KCNH1: variants seen among roughly 807,000 people sequenced by gnomAD.
KCNH1 encodes the protein voltage-gated delayed rectifier potassium channel KCNH1.
A neutral mutation model predicts 69.2 loss-of-function variants in KCNH1; 27 were observed. The ratio of observed to expected loss-of-function variants is 0.39; its 90% CI spans 0.29 to 0.54. The LOEUF (loss-of-function observed/expected upper bound fraction) is 0.54, where lower values mean the gene tolerates loss of function less well. Among genes scored for constraint, KCNH1 ranks in the 20% least tolerant of loss-of-function variants. The pLI is 0.68. For synonymous variants in KCNH1, 456 were observed against 487.7 expected, an observed-to-expected ratio of 0.93 and a Z score of 0.86; for missense variants, 798 against 1,261.6, an observed-to-expected ratio of 0.63 and a Z score of 5.57.
chr1:210,801,187 A>G (rs909254889), intron 8 of KCNH1, among the ~76,000 whole-genome samples: 3 of 152,218 alleles, frequency 2.0e-5, no homozygotes, highest in African/African-American at 7.2e-5. Flanking sequence ...TCCATGAGCT[A>G]CAGACATAAA....
At chr1:210,886,875 C>T (rs1010196686) in intron 7 of KCNH1, among the ~76,000 whole-genome samples, 3 of 151,914 alleles carry the variant, frequency 2.0e-5, no homozygotes, top group African/African-American at 4.8e-5. Context: ...TGAACAAAGC[C>T]TATAAGAAAA....
chr1:210,802,469 A>T (rs1684449298), intron 8 of KCNH1, among the ~76,000 whole-genome samples: 1 of 152,220 alleles, frequency 6.6e-6, no homozygotes, highest in Admixed American at 6.5e-5. Flanking sequence ...GAGAAAAAAG[A>T]CTTGATAAAG....
intron 5 of KCNH1, among the ~76,000 whole-genome samples, chr1:211,082,375 A>G (rs549594240): frequency 6.6e-6 from 1 of 152,322 alleles, no homozygotes; most frequent in Admixed American, 6.5e-5. Context: ...GTAAAATGCC[A>G]TGTGGTTGTT....
intron 7 of KCNH1, among the ~76,000 whole-genome samples, chr1:210,892,160 T>C (rs561905147): frequency 6.6e-6 from 1 of 151,860 alleles, no homozygotes; most frequent in East Asian, 1.9e-4. Flanking sequence ...CGTGTATACC[T>C]AGGTAACAAA....
intron 7 of KCNH1, among the ~76,000 whole-genome samples, chr1:210,891,467 G>A (rs559686048): frequency 6.6e-6 from 1 of 151,476 alleles, no homozygotes; most frequent in South Asian, 2.1e-4. Context: ...TGCAGCACAC[G>A]AACATGGCAC....
At chr1:210,842,644 T>G (rs1313318011) in intron 7 of KCNH1, among the ~76,000 whole-genome samples, 1 of 152,134 alleles carries the variant, frequency 6.6e-6, no homozygotes, top group Non-Finnish European at 1.5e-5. Context: ...CAGCTGAGTT[T>G]TAAGGAAAGC....
chr1:210,715,697 G>A (rs1312799627), intron 10 of KCNH1, among the ~76,000 whole-genome samples: 1 of 152,130 alleles, frequency 6.6e-6, no homozygotes, highest in Non-Finnish European at 1.5e-5. Context: ...AGAAAGTGGG[G>A]CTAGAGGTTC....
intron 5 of KCNH1, among the ~76,000 whole-genome samples, chr1:211,053,172 C>T (rs1690236375): frequency 6.6e-6 from 1 of 152,218 alleles, no homozygotes; most frequent in South Asian, 2.1e-4. Flanking sequence ...TCAACTTCAG[C>T]ACTTTCTACC....
At chr1:210,691,066 G>A (rs1220773377) in intron 10 of KCNH1, among the ~76,000 whole-genome samples, 1 of 152,236 alleles carries the variant, frequency 6.6e-6, no homozygotes, top group East Asian at 1.9e-4. Context: ...GAACTGTTAT[G>A]AGGATTAAGT....
At chr1:210,806,051 A>G (rs983915580) in intron 7 of KCNH1, among the ~76,000 whole-genome samples, 2 of 152,210 alleles carry the variant, frequency 1.3e-5, no homozygotes, top group African/African-American at 2.4e-5. Flanking sequence ...TTTTATGTGA[A>G]CATATTTTCA....
chr1:211,068,777 C>G (rs1460099194), intron 5 of KCNH1, among the ~76,000 whole-genome samples: 2 of 152,132 alleles, frequency 1.3e-5, no homozygotes, highest in African/African-American at 4.8e-5. Context: ...CTGGTGAATA[C>G]AGAGAATCAC....
chr1:210,849,828 T>A (rs1487929944), intron 7 of KCNH1, among the ~76,000 whole-genome samples: 2 of 152,026 alleles, frequency 1.3e-5, no homozygotes, highest in Admixed American at 1.3e-4. Flanking sequence ...GACCAATAAA[T>A]CCCTTCCTGC....
At position 211,073,390 on chromosome 1, in the gene KCNH1, G is replaced by C. The variant is rs188611012; in HGVS notation, c.558+9390C>G. Among the ~76,000 whole-genome samples, 5 of 152,260 alleles carry C rather than the reference G, an allele frequency of 3.3e-5. No homozygotes were observed. The East Asian group carries it at 5.8e-4, about 18-fold the overall frequency. On this transcript the variant is annotated intron_variant, in intron 5 of 10. Coordinates refer to ENST00000271751, the MANE Select transcript of KCNH1 (RefSeq NM_172362.3). ...ATCAACTGGATATAATGAACATGTA[G>C]AGACTACTTTGTCCAACAATAGCAG...
Position 210,775,441 on chromosome 1 carries a change from C to T in KCNH1, c.2019G>A (p.Lys673=), listed in dbSNP as rs747877658. The part of the protein sequence containing the change: ...ALTYCDLHVI[K]RDALQKVLEF... Reference sequence around the variant, plus strand: ...CCAGCACTTTCTGCAGGGCATCCCGCTTGATCACATGCAGATCACAGTAGG... The same window carrying T: ...CCAGCACTTTCTGCAGGGCATCCCGTTTGATCACATGCAGATCACAGTAGG... The change falls in exon 10 of 11, where the codon AAG becomes AAA. Residue 673 remains lysine (K), a synonymous_variant. Transcript: ENST00000271751. 72 of 1,614,020 alleles carry T rather than the reference C, an allele frequency of 4.5e-5. No homozygotes were observed. Among genetic ancestry groups the T allele is most frequent in the Non-Finnish European group, 6.1e-5 (72 of 1,179,994 alleles).
At chr1:210,926,863 A>G (rs1192412210) in intron 6 of KCNH1, among the ~76,000 whole-genome samples, 1 of 152,150 alleles carries the variant, frequency 6.6e-6, no homozygotes, top group Non-Finnish European at 1.5e-5. Flanking sequence ...TAGATAGCAT[A>G]AATTAAAAAA....
At chr1:210,999,397 T>A (rs992856482) in intron 6 of KCNH1, among the ~76,000 whole-genome samples, 1 of 152,020 alleles carries the variant, frequency 6.6e-6, no homozygotes, top group East Asian at 1.9e-4. Flanking sequence ...TCTACACAAA[T>A]AAACTAGAAA....
At chr1:210,806,820 A>ATATATATAT (rs1558477727) in intron 7 of KCNH1, among the ~76,000 whole-genome samples, 1 of 23,698 alleles carries the variant, frequency 4.2e-5, no homozygotes, top group African/African-American at 1.2e-4. Flanking sequence ...AAAAAAAAAA[A>ATATATATAT]AAAAAAAAAA....
At chr1:211,080,488 C>A (rs569478660) in intron 5 of KCNH1, among the ~76,000 whole-genome samples, 1 of 152,038 alleles carries the variant, frequency 6.6e-6, no homozygotes, top group African/African-American at 2.4e-5. Flanking sequence ...CATGTGGAAC[C>A]AAAAAGAGCC....
chr1:210,891,213 A>G (rs1220981624), intron 7 of KCNH1, among the ~76,000 whole-genome samples: 1 of 152,226 alleles, frequency 6.6e-6, no homozygotes, highest in African/African-American at 2.4e-5. Context: ...TGCAGCCATA[A>G]AAAAGGATGA....
Sources: allele counts gnomAD v4.1 joint callset (sites outside exome capture counted in the v4.1 genomes callset), GRCh38; gene constraint gnomAD v4.1.1; transcripts MANE v1.5; gene names NCBI Gene and HGNC (gene_info 2026-07-23, HGNC 2026-07-21).